PMVK: variants seen among roughly 807,000 people sequenced by gnomAD.
PMVK encodes phosphomevalonate kinase.
Under a neutral mutation model 19.0 loss-of-function variants are expected in PMVK, and 10 were observed. The ratio of observed to expected loss-of-function variants is 0.53; its 90% CI spans 0.32 to 0.89. PMVK has a LOEUF of 0.89. Among genes scored for constraint, PMVK ranks in the 40% least tolerant of loss-of-function variants. The pLI, the probability that PMVK is intolerant of heterozygous loss-of-function variation, is 0.03. For synonymous variants in PMVK, 108 were observed against 101.6 expected, an observed-to-expected ratio of 1.06 and a Z score of -0.38; for missense variants, 222 against 251.1, an observed-to-expected ratio of 0.88 and a Z score of 0.78.
At chr1:154,939,529 CA>C (rs758991710), upstream of PMVK, among the ~76,000 whole-genome samples, 72 of 136,254 alleles carry the variant, frequency 5.3e-4, no homozygotes, top group African/African-American at 7.1e-4. Flanking sequence ...ACTAAAAATA[CA>C]AAAAAAAAAA....
At chr1:154,939,761 G>A (rs1654602891), upstream of PMVK, among the ~76,000 whole-genome samples, 2 of 151,536 alleles carry the variant, frequency 1.3e-5, no homozygotes, top group Non-Finnish European at 2.9e-5. Flanking sequence ...GACAGCCATG[G>A]CTTGTTTCTT....
Position 154,936,672 on chromosome 1 carries a change from C to G in PMVK, c.14G>C (p.Gly5Ala). The G allele has an allele frequency of 3.7e-6, 6 of 1,606,618 alleles. No homozygotes were observed. The highest frequency in any genetic ancestry group is 4.2e-6 in the Non-Finnish European group (5 of 1,177,122). Residue 5 changes from glycine to alanine, a missense_variant, in exon 1 of 5, where the codon GGA becomes GCA. Coordinates refer to ENST00000368467, the MANE Select transcript of PMVK (RefSeq NM_006556.4). ...CAGCAGTACCAGCCGCGGGGCGCCT[C>G]CCAGCGGGGCCATGGGGCCGCCACG... is the stretch of plus-strand genomic sequence containing the variant. MAPL[G>A]GAPRLVLLFS...
chr1:154,937,188 G>A (rs1654536690), upstream of PMVK, among the ~76,000 whole-genome samples: 1 of 152,186 alleles, frequency 6.6e-6, no homozygotes, highest in Non-Finnish European at 1.5e-5. Context: ...TTGCCTGTGC[G>A]TTATAGTACA....
chr1:154,929,313 A>T, intron 2 of PMVK, 137 bp from the exon 3 acceptor site: 1 of 732,922 alleles, frequency 1.4e-6, no homozygotes, highest in Non-Finnish European at 2.2e-6. Flanking sequence ...TTCAGCCAGG[A>T]CAAAGGTCTG....
chr1:154,936,753 C>A, upstream of PMVK: 2 of 1,341,748 alleles, frequency 1.5e-6, no homozygotes, highest in South Asian at 1.3e-5. Context: ...GGACACCGCG[C>A]GGAATGGACG....
At position 154,929,843 on chromosome 1, in the gene PMVK, A is replaced by C. The variant is rs573047083; in HGVS notation, c.160-667T>G. Among the ~76,000 whole-genome samples the C allele has an allele frequency of 7.2e-5, 11 of 152,140 alleles. No homozygotes were observed. The East Asian group carries it at 2.1e-3, about 29-fold the overall frequency. ...GATCCAGGATAGGAGGGGTCTGAAA[A>C]GCATCACCTCGTTCAGATTCTGGCT... On this transcript the variant is annotated intron_variant, in intron 2 of 4. Transcript: ENST00000368467.
intron 2 of PMVK, among the ~76,000 whole-genome samples, chr1:154,929,502 C>T (rs954473598): frequency 5.3e-5 from 8 of 152,112 alleles, no homozygotes; most frequent in African/African-American, 1.9e-4. Context: ...TAGTTTGCAT[C>T]CCCTGGGCAA....
At chr1:154,939,323 G>T (rs1340896229), upstream of PMVK, among the ~76,000 whole-genome samples, 1 of 152,046 alleles carries the variant, frequency 6.6e-6, no homozygotes, top group Non-Finnish European at 1.5e-5. Flanking sequence ...TCCCTCCCAA[G>T]TCCACTAGCT....
chr1:154,925,204 G>A lies in PMVK; in HGVS notation c.504C>T (p.Ile168=), dbSNP rs771117232. ...GGCGCTGTTCAACTCCATGGTTCTC[G>A]ATGACCCAGTCAAAGTCCCCGAAGT... ...LDNFGDFDWV[I]ENHGVEQRLE... is the part of the protein sequence containing the mutation. The change falls in exon 5 of 5, where the codon ATC becomes ATT. Residue 168 remains isoleucine (I), a synonymous_variant. Transcript: ENST00000368467. 1.9e-5 allele frequency: 31 copies of A among 1,613,552 alleles called. No individual in the cohort carries two copies. The highest frequency in any genetic ancestry group is 3.3e-5 in the Admixed American group (2 of 59,946).
chr1:154,928,663 T>C (rs1020165862), intron 3 of PMVK, among the ~76,000 whole-genome samples: 6 of 152,024 alleles, frequency 3.9e-5, no homozygotes, highest in African/African-American at 1.4e-4. Flanking sequence ...TCCCAGCTGC[T>C]TGGGAGGCTG....
At chr1:154,925,713 CTT>C (rs1654133168) in intron 4 of PMVK, among the ~76,000 whole-genome samples, 2 of 152,222 alleles carry the variant, frequency 1.3e-5, no homozygotes, top group African/African-American at 4.8e-5. Flanking sequence ...GGGAAAGAGA[CTT>C]AACCTTTCAG....
chr1:154,941,684 C>A (rs1654643428), upstream of PMVK, among the ~76,000 whole-genome samples: 1 of 152,182 alleles, frequency 6.6e-6, no homozygotes, highest in African/African-American at 2.4e-5. Context: ...CTTCCAGAAG[C>A]CAATAGGGGT....
chr1:154,936,039 T>G (rs1169660498), intron 1 of PMVK, among the ~76,000 whole-genome samples: 3 of 152,202 alleles, frequency 2.0e-5, no homozygotes, highest in Admixed American at 6.5e-5. Flanking sequence ...GAAATGGAGA[T>G]GCTAATAATG....
intron 2 of PMVK, among the ~76,000 whole-genome samples, chr1:154,931,050 T>C (rs1321955801): frequency 6.6e-6 from 1 of 152,084 alleles, no homozygotes; most frequent in Non-Finnish European, 1.5e-5. Context: ...TATGCGCCAC[T>C]GCACTCCAGC....
At chr1:154,941,893 G>C in the PMVK span, among the ~76,000 whole-genome samples, 1 of 152,186 alleles carries the variant, frequency 6.6e-6, no homozygotes, top group Non-Finnish European at 1.5e-5. Context: ...GGTGGCAGAG[G>C]CTGGGCTGAG....
At position 154,929,097 on chromosome 1, in the gene PMVK, C is replaced by G; in HGVS notation, c.239G>C (p.Gly80Ala). 1 of 1,614,120 alleles carries G rather than the reference C, an allele frequency of 6.2e-7. No homozygotes were observed. The highest frequency in any genetic ancestry group is 8.5e-7 in the Non-Finnish European group (1 of 1,179,924). ...EAFRKDMIRW[G>A]EEKRQADPGF... is the part of the protein sequence containing the mutation. ...TGGGTCAGCCTGGCGTTTCTCCTCT[C>G]CCCAGCGGATCATGTCCTTCCGAAA... The change falls in exon 3 of 5, where the codon GGA becomes GCA. Residue 80 changes from glycine to alanine, a missense_variant. Transcript: ENST00000368467.
chr1:154,939,440 C>CT (rs1476699875), upstream of PMVK, among the ~76,000 whole-genome samples: 2 of 151,854 alleles, frequency 1.3e-5, no homozygotes, highest in Non-Finnish European at 2.9e-5. Flanking sequence ...AATCCCAGCA[C>CT]TTTGGAAGGC....
chr1:154,929,724 C>T (rs1394681713), intron 2 of PMVK, among the ~76,000 whole-genome samples: 1 of 152,098 alleles, frequency 6.6e-6, no homozygotes, highest in African/African-American at 2.4e-5. Context: ...CAAGGCCTCC[C>T]ACACCCAGAG....
At chr1:154,940,352 G>T (rs1654616243), upstream of PMVK, among the ~76,000 whole-genome samples, 1 of 152,206 alleles carries the variant, frequency 6.6e-6, no homozygotes, top group African/African-American at 2.4e-5. Flanking sequence ...GCTGAGCGAA[G>T]GTAAGTGCCC....
Sources: gnomAD v4.1 joint callset for allele counts (sites outside exome capture counted in the v4.1 genomes callset) on GRCh38, gnomAD v4.1.1 for gene constraint, MANE v1.5 for transcripts, NCBI Gene and HGNC (gene_info 2026-07-23, HGNC 2026-07-21) for gene names.